Variants in SETD2 observed in about 807,000 individuals in gnomAD.
SETD2 encodes the protein histone-lysine N-methyltransferase SETD2.
A neutral mutation model predicts 242.1 loss-of-function variants in SETD2; 31 were observed. The ratio of observed to expected loss-of-function variants is 0.13; its 90% CI spans 0.10 to 0.17. The LOEUF is 0.17. Ranked by LOEUF, SETD2 falls within the 10% of genes least tolerant of loss-of-function variation. SETD2 has a pLI of 1.00. For missense variants in SETD2, 2,481 were observed against 3,046.3 expected (o/e 0.81, Z 4.37); for synonymous variants, 1,006 against 1,066.5 (o/e 0.94, Z 1.11).
At chr3:47,156,835 A>G (rs1379932412) in intron 1 of SETD2, among the ~76,000 whole-genome samples, 1 of 152,188 alleles carries the variant, frequency 6.6e-6, no homozygotes, top group African/African-American at 2.4e-5. Context: ...TATCTTCTCC[A>G]TTCTAACATG....
intron 14 of SETD2, among the ~76,000 whole-genome samples, chr3:47,061,792 A>T (rs116128856): frequency 0.012 from 1,850 of 152,354 alleles, 18 homozygotes; most frequent in Non-Finnish European, 0.02. Context: ...CAGCATTTTA[A>T]TTAGTATGGC....
At chr3:47,131,293 C>T (rs375510179) in intron 1 of SETD2, among the ~76,000 whole-genome samples, 9 of 152,276 alleles carry the variant, frequency 5.9e-5, no homozygotes, top group African/African-American at 1.9e-4. Flanking sequence ...CTGTGACCAA[C>T]AAATAGAAGT....
chr3:47,054,220 T>G (rs949658609), intron 15 of SETD2, among the ~76,000 whole-genome samples: 1 of 152,164 alleles, frequency 6.6e-6, no homozygotes, highest in Non-Finnish European at 1.5e-5. Context: ...AGGGACAGAA[T>G]GAAAGACTAG....
At chr3:47,053,356 C>T (rs894479577) in intron 15 of SETD2, among the ~76,000 whole-genome samples, 2 of 152,194 alleles carry the variant, frequency 1.3e-5, no homozygotes, top group African/African-American at 4.8e-5. Context: ...AAGTAGTTTT[C>T]ACCATTTTTA....
chr3:47,050,030 GA>G (rs933810759), intron 15 of SETD2, among the ~76,000 whole-genome samples: 4 of 147,036 alleles, frequency 2.7e-5, no homozygotes, highest in African/African-American at 7.4e-5. Context: ...ATATATATGG[GA>G]AAAACATACA....
At chr3:47,064,928 C>T (rs2040496101) in intron 13 of SETD2, among the ~76,000 whole-genome samples, 1 of 151,762 alleles carries the variant, frequency 6.6e-6, no homozygotes, top group Non-Finnish European at 1.5e-5. Context: ...GAGGCTACTC[C>T]CTGAAAAGAT....
chr3:47,120,357 C>A lies in SETD2; in HGVS notation c.4279G>T (p.Val1427Phe). 6.2e-7 allele frequency: 1 copy of A among 1,613,354 alleles called. No individual in the cohort carries two copies. The highest frequency in any genetic ancestry group is 8.5e-7 in the Non-Finnish European group (1 of 1,179,774). The part of the protein sequence containing the change: ...SDGELQDRKK[V>F]RVEVEQGETS... ...TCTCCCTGCTCTACCTCCACTCTAACTTTCTTTCTGTCCTGAAGCTCACCA... is the reference window on the plus strand; with the variant it reads ...TCTCCCTGCTCTACCTCCACTCTAAATTTCTTTCTGTCCTGAAGCTCACCA... The change falls in exon 3 of 21, where the codon GTT becomes TTT. Residue 1427 changes from valine to phenylalanine, a missense_variant. Physicochemically the swap from Val to Phe is conservative, Grantham distance 50 (BLOSUM62 -1). Coordinates refer to ENST00000409792, the MANE Select transcript of SETD2 (RefSeq NM_014159.7).
intron 2 of SETD2, among the ~76,000 whole-genome samples, chr3:47,125,115 TC>T (rs946797046): frequency 6.6e-6 from 1 of 151,942 alleles, no homozygotes; most frequent in Non-Finnish European, 1.5e-5. Context: ...GGTCAGGAGT[TC>T]GAGACCAGCC....
At chr3:47,147,927 A>G (rs922290599) in intron 1 of SETD2, among the ~76,000 whole-genome samples, 1 of 151,532 alleles carries the variant, frequency 6.6e-6, no homozygotes, top group South Asian at 2.1e-4. Flanking sequence ...CAAAAAAAAA[A>G]AAAAAAAAAA....
Position 47,016,778 on chromosome 3 carries a change from G to A in SETD2, c.*315C>T. 3 of 346,068 alleles carry A rather than the reference G, an allele frequency of 8.7e-6. No homozygotes were observed. 21.4% of individuals were successfully genotyped at this position (346,068 alleles called of 1,614,324 possible). A position where few individuals can be genotyped will look rare whatever the true frequency, so the allele number is the denominator to read the frequency against. ...AGGGTTGTGGGTGGGGATGCGCATG[G>A]GTCTGTGCGCTGACAGCACCGCCAA... is the stretch of plus-strand genomic sequence containing the variant. On this transcript the variant is annotated 3_prime_UTR_variant, in exon 21 of 21. Coordinates refer to ENST00000409792, the MANE Select transcript of SETD2 (RefSeq NM_014159.7).
chr3:47,088,726 C>T (rs2041671920), intron 9 of SETD2, among the ~76,000 whole-genome samples: 10 of 151,992 alleles, frequency 6.6e-5, no homozygotes, highest in Admixed American at 6.5e-4. Context: ...ATGATGTCAG[C>T]ATATGAATGA....
intron 17 of SETD2, among the ~76,000 whole-genome samples, chr3:47,042,001 C>T (rs141358975): frequency 2.0e-5 from 3 of 152,268 alleles, no homozygotes; most frequent in African/African-American, 7.2e-5. Flanking sequence ...GATACTTATA[C>T]AATATTAGAT....
At position 47,121,838 on chromosome 3, in the gene SETD2, C is replaced by A. The variant is rs202209141; in HGVS notation, c.2798G>T (p.Gly933Val). 339 of 1,613,958 alleles carry A rather than the reference C, an allele frequency of 2.1e-4. 1 individual carries two copies. The highest frequency in any genetic ancestry group is 2.8e-4 in the Admixed American group (17 of 59,990). The change falls in exon 3 of 21, where the codon GGT becomes GTT. Residue 933 changes from glycine (G) to valine (V), a missense_variant. Transcript: ENST00000409792. ...HAGKETIVEV[G>V]SDLPDSGKGF... Reference sequence around the variant, plus strand: ...CTTTCCTGAATCAGGAAGGTCACTACCTACTTCTACTATTGTTTCTTTCCC... The same window carrying A: ...CTTTCCTGAATCAGGAAGGTCACTAACTACTTCTACTATTGTTTCTTTCCC...
chr3:47,139,902 T>G (rs2043686531), intron 1 of SETD2, among the ~76,000 whole-genome samples: 1 of 151,874 alleles, frequency 6.6e-6, no homozygotes, highest in Non-Finnish European at 1.5e-5. Context: ...TCCTTCTCAC[T>G]TGTTTAAGTC....
At chr3:47,043,397 G>A (rs1172306689) in intron 16 of SETD2, among the ~76,000 whole-genome samples, 9 of 152,152 alleles carry the variant, frequency 5.9e-5, no homozygotes, top group Non-Finnish European at 1.2e-4. Context: ...CAGCAAGAAG[G>A]CAGCCATTTG....
At chr3:47,020,541 A>G (rs576709616) in intron 18 of SETD2, among the ~76,000 whole-genome samples, 2 of 152,176 alleles carry the variant, frequency 1.3e-5, no homozygotes, top group Non-Finnish European at 2.9e-5. Context: ...GTTCCCTCTA[A>G]CTAGGTACTG....
At chr3:47,101,408 C>T (rs1049533223) in intron 8 of SETD2, 50 bp downstream of exon 8, 6 of 927,938 alleles carry the variant, frequency 6.5e-6, no homozygotes, top group Non-Finnish European at 1.0e-5. Flanking sequence ...TATATCTGAA[C>T]AGCCTATTTC....
intron 1 of SETD2, among the ~76,000 whole-genome samples, chr3:47,141,003 T>C (rs926738940): frequency 7.2e-5 from 11 of 152,100 alleles, no homozygotes; most frequent in South Asian, 6.2e-4. Context: ...TTGGTTAATA[T>C]TGTTTTTTTG....
In SETD2 at chr3:47,047,163, T is replaced by G. The variant is rs141756880; in HGVS notation, c.6964-542A>C. The stretch of plus-strand genomic sequence containing the variant: ...TGTAGTCTTCTATGATAAAACCCCT[T>G]GGCAGAAAGCAGAATCAATGCATCT... On this transcript the variant is annotated intron_variant, in intron 15 of 20. Transcript: ENST00000409792. The G allele has an allele frequency of 7.7e-4, 118 of 152,504 alleles. 2 individuals carry two copies. Among genetic ancestry groups the G allele is most frequent in the African/African-American group, 2.7e-3 (111 of 41,570 alleles). The allele number at this position is 152,504 out of a possible 1,614,324, so 9.4% of individuals were successfully genotyped here. A position where few individuals can be genotyped will look rare whatever the true frequency, so the allele number is the denominator to read the frequency against.
Sources: allele counts gnomAD v4.1 joint callset (sites outside exome capture counted in the v4.1 genomes callset), GRCh38; gene constraint gnomAD v4.1.1; transcripts MANE v1.5; gene names NCBI Gene and HGNC (gene_info 2026-07-23, HGNC 2026-07-21).